Variants in EXTL3 observed in about 807,000 individuals in gnomAD.
EXTL3 encodes exostosin-like 3.
A neutral mutation model predicts 69.3 loss-of-function variants in EXTL3; 27 were observed. That is an observed-to-expected ratio of 0.39 (90% CI 0.29 to 0.54). The LOEUF (loss-of-function observed/expected upper bound fraction) is 0.54. Ranked by LOEUF, EXTL3 falls within the 20% of genes least tolerant of loss-of-function variation. The probability of loss-of-function intolerance (pLI) is 0.69; values close to 1 mark genes in which losing one functional copy is unlikely to be tolerated. For missense variants in EXTL3, 1,003 were observed against 1,231.8 expected (o/e 0.81, Z 2.78); for synonymous variants, 511 against 499.4 (o/e 1.02, Z -0.31).
chr8:28,742,371 G>A (rs1801798487), intron 5 of EXTL3: 1 of 152,866 alleles, frequency 6.5e-6, no homozygotes, highest in South Asian at 2.1e-4. Flanking sequence ...ACACCCCTCT[G>A]TGGGCCTTGT....
At chr8:28,610,237 GTT>G (rs1491276011) in intron 2 of EXTL3, among the ~76,000 whole-genome samples, 2 of 151,834 alleles carry the variant, frequency 1.3e-5, no homozygotes, top group African/African-American at 2.4e-5. Flanking sequence ...GTGTGTGTGT[GTT>G]TGTGTATGCA....
At chr8:28,617,601 T>C (rs1168062187) in intron 2 of EXTL3, among the ~76,000 whole-genome samples, 18 of 152,084 alleles carry the variant, frequency 1.2e-4, no homozygotes. Context: ...CTGGGCAACA[T>C]GGCAAAACCC....
Position 28,616,500 on chromosome 8 carries a change from G to A in EXTL3, n.314+8742G>A, listed in dbSNP as rs111374084. The stretch of plus-strand genomic sequence containing the variant: ...AAATTAGCAGGGCGTGGTGGCGGGC[G>A]CCTGCAGTCCCAGCTACTTGGGAGG... On this transcript the variant is annotated intron_variant and non_coding_transcript_variant, in intron 2 of 4. Coordinates refer to the EXTL3 transcript ENST00000522725. Among the ~76,000 whole-genome samples, 718 of 152,218 alleles carry A rather than the reference G, an allele frequency of 4.7e-3. 4 individuals are homozygous for A. The highest frequency in any genetic ancestry group is 0.016 in the African/African-American group (680 of 41,560).
At chr8:28,617,065 C>T (rs780395318) in intron 2 of EXTL3, among the ~76,000 whole-genome samples, 1 of 152,194 alleles carries the variant, frequency 6.6e-6, no homozygotes, top group Non-Finnish European at 1.5e-5. Flanking sequence ...GAGGATTTGT[C>T]CTGGCAGGAC....
In EXTL3 at chr8:28,716,473, C is replaced by T. The variant is rs769913271; in HGVS notation, c.414C>T (p.Thr138=). 2.3e-5 allele frequency: 37 copies of T among 1,613,710 alleles called. No individual in the cohort carries two copies. The highest frequency in any genetic ancestry group is 8.8e-5 in the South Asian group (8 of 91,074). The part of the protein sequence containing the change: ...LLQLKNVISQ[T]EHSYKELMAQ... ...AGCTCAAGAATGTCATCAGCCAGAC[C>T]GAGCATTCCTACAAGGAGCTCATGG... is the stretch of plus-strand genomic sequence containing the variant. The change falls in exon 3 of 7, where the codon ACC becomes ACT. Residue 138 remains threonine (T), a synonymous_variant. Transcript: ENST00000220562. The surrounding 1 kb of genome is among the most constrained non-coding windows in gnomAD (Gnocchi z 7.1).
rs189914267 is a variant in EXTL3 at position 28,736,218 on chromosome 8, A to G, written c.2277-1301A>G. 8.5e-5 allele frequency among the ~76,000 whole-genome samples: 13 copies of G among 152,356 alleles called. No homozygotes were observed. In the East Asian group the frequency reaches 2.5e-3, roughly 29 times the overall value. On this transcript the variant is annotated intron_variant, in intron 4 of 6. Coordinates refer to ENST00000220562, the MANE Select transcript of EXTL3 (RefSeq NM_001440.4). ...AAAAAAACCCACCTAGAAGGCTGTT[A>G]CATTGTGATAGAAGTTGTGATTTCT...
At chr8:28,733,421 TG>T (rs1801580781) in intron 4 of EXTL3, among the ~76,000 whole-genome samples, 1 of 152,016 alleles carries the variant, frequency 6.6e-6, no homozygotes, top group African/African-American at 2.4e-5. Context: ...CACACACAGA[TG>T]GGGTCTCACA....
chr8:28,694,952 C>CCT (rs763574152), intron 1 of EXTL3, among the ~76,000 whole-genome samples: 23 of 151,656 alleles, frequency 1.5e-4, no homozygotes, highest in Non-Finnish European at 7.4e-5. Flanking sequence ...GCAGAGGTTG[C>CCT]CAAAACTGAG....
At chr8:28,630,678 T>G (rs1563429623) in intron 1 of EXTL3, among the ~76,000 whole-genome samples, 1 of 152,254 alleles carries the variant, frequency 6.6e-6, no homozygotes, top group Non-Finnish European at 1.5e-5. Context: ...GCACTTTTAC[T>G]GAGTGCCACG....
upstream of EXTL3, among the ~76,000 whole-genome samples, chr8:28,622,257 G>T (rs1489916828): frequency 5.3e-5 from 8 of 152,234 alleles, no homozygotes; most frequent in African/African-American, 9.6e-5. Flanking sequence ...AGGTAGCCCC[G>T]CACTCTAAGC....
intron 1 of EXTL3, among the ~76,000 whole-genome samples, chr8:28,660,645 C>T (rs996300255): frequency 6.6e-6 from 1 of 152,074 alleles, no homozygotes; most frequent in Non-Finnish European, 1.5e-5. Flanking sequence ...CTATCCTTCT[C>T]TAGAACTCTT....
At chr8:28,694,759 C>T (rs1429132190) in intron 1 of EXTL3, among the ~76,000 whole-genome samples, 3 of 152,202 alleles carry the variant, frequency 2.0e-5, no homozygotes, top group Non-Finnish European at 2.9e-5. Context: ...CACCTGTAAT[C>T]CCAGCACTTT....
chr8:28,716,040 GGGCAGGCTGCAGAGGACTCAT>G lies in EXTL3; in HGVS notation c.-18_3del, dbSNP rs768854711. 10 of 1,586,752 alleles carry G rather than the reference GGGCAGGCTGCAGAGGACTCAT, an allele frequency of 6.3e-6. No homozygotes were observed. Among genetic ancestry groups the G allele is most frequent in the Non-Finnish European group, 6.0e-6 (7 of 1,167,660 alleles). Reference sequence around the variant, plus strand: ...GGCGAGTGACCCGACGTGATCTGGGGGGCAGGCTGCAGAGGACTCATGACAGGCTATACCATGCTGCGGAAT... The same window carrying G: ...GGCGAGTGACCCGACGTGATCTGGGGGACAGGCTATACCATGCTGCGGAAT... On this transcript the variant is annotated start_lost and 5_prime_UTR_variant, in exon 3 of 7. Transcript: ENST00000220562. This position sits in a 1 kb window ranked among gnomAD's most constrained non-coding sequence, Gnocchi z 7.1.
At chr8:28,696,689 AGCTGG>A (rs1394080192), upstream of EXTL3, 2 of 151,968 alleles carry the variant, frequency 1.3e-5, no homozygotes, top group African/African-American at 4.8e-5. Context: ...CCTCCTGAGT[AGCTGG>A]GATTACAGGC....
intron 1 of EXTL3, among the ~76,000 whole-genome samples, chr8:28,664,985 C>A (rs1443329938): frequency 1.3e-5 from 2 of 151,438 alleles, no homozygotes; most frequent in Non-Finnish European, 2.9e-5. Context: ...GACTACCTGA[C>A]TCTATCACCC....
intron 1 of EXTL3, among the ~76,000 whole-genome samples, chr8:28,694,937 A>G (rs1314908173): frequency 6.6e-6 from 1 of 151,998 alleles, no homozygotes; most frequent in Admixed American, 6.6e-5. Context: ...TCTTGAACCC[A>G]GGAGGCAGAG....
chr8:28,615,876 C>T (rs1457936776), intron 2 of EXTL3, among the ~76,000 whole-genome samples: 1 of 151,994 alleles, frequency 6.6e-6, no homozygotes, highest in Non-Finnish European at 1.5e-5. Context: ...GTCCGGCCTG[C>T]AGCTTTCTTT....
At chr8:28,705,411 A>C (rs935214115) in intron 1 of EXTL3, among the ~76,000 whole-genome samples, 1 of 152,170 alleles carries the variant, frequency 6.6e-6, no homozygotes, top group African/African-American at 2.4e-5. Context: ...GTGAAGGAGA[A>C]TGCCCGAGTC....
At chr8:28,660,913 C>CTA (rs1211194615) in intron 1 of EXTL3, among the ~76,000 whole-genome samples, 10 of 97,526 alleles carry the variant, frequency 1.0e-4, no homozygotes, top group Admixed American at 5.1e-4. Flanking sequence ...TTGTTCGTTT[C>CTA]TTTTTTTTTT....
Sources: gnomAD v4.1 joint callset for allele counts (sites outside exome capture counted in the v4.1 genomes callset) on GRCh38, gnomAD v4.1.1 for gene constraint, Gnocchi (gnomAD v3.1) non-coding constraint, MANE v1.5 for transcripts, NCBI Gene and HGNC (gene_info 2026-07-23, HGNC 2026-07-21) for gene names.